FGFR3: variants seen among roughly 807,000 people sequenced by gnomAD.
FGFR3 encodes fibroblast growth factor receptor 3.
FGFR3 carries 25 observed loss-of-function variants against 82.9 expected under a neutral mutation model. That is an observed-to-expected ratio of 0.30 (90% confidence interval 0.22 to 0.42). The LOEUF (loss-of-function observed/expected upper bound fraction) is 0.42, where lower values mean the gene tolerates loss of function less well. FGFR3 is among the 10% of genes least tolerant of loss of function. The pLI is 1.00. For missense variants in FGFR3, 1,026 were observed against 1,161.0 expected, an observed-to-expected ratio of 0.88 and a Z score of 1.69; for synonymous variants, 620 against 516.0, an observed-to-expected ratio of 1.20 and a Z score of -2.73.
rs537582388 is a variant in FGFR3, at chr4:1,807,357, G to A, written c.*95G>A. On this transcript the variant is annotated 3_prime_UTR_variant, in exon 18 of 18. Transcript: ENST00000440486. ...CCCGGCATGAGACTCAGTGCAGATG[G>A]AGAGACAGCTACACAGAGCTTTGGT... 6.9e-5 allele frequency: 103 copies of A among 1,485,986 alleles called. No homozygotes were observed. In the African/African-American group the frequency reaches 8.7e-4, roughly 13 times the overall value. The allele number at this position is 1,485,986 out of a possible 1,614,324, so 92.1% of individuals were successfully genotyped here. A position where few individuals can be genotyped will look rare whatever the true frequency, so the allele number is the denominator to read the frequency against.
chr4:1,805,678 G>T lies in FGFR3; in HGVS notation c.1645+9G>T. The stretch of plus-strand genomic sequence containing the variant: ...CGCCTGCACGCAGGGCGGTAGGTGC[G>T]GTAGCGGCGGTGGTGCCGGCTGGGC... On this transcript the variant is annotated intron_variant, in intron 12 of 17. Transcript: ENST00000440486. 1 of 1,611,956 alleles carries T rather than the reference G, an allele frequency of 6.2e-7. No individual in the cohort carries two copies.
intron 7 of FGFR3, among the ~76,000 whole-genome samples, 156 bp from the exon 8 acceptor site, chr4:1,803,536 G>A (rs998951132): frequency 1.1e-4 from 17 of 152,390 alleles, no homozygotes; most frequent in South Asian, 6.2e-4. Context: ...CAGGCGGAGG[G>A]CCCTCAGCCG....
At position 1,805,924 on chromosome 4, in the gene FGFR3, A is replaced by G. The variant is rs1414871162; in HGVS notation, c.1820A>G (p.Tyr607Cys). The change falls in exon 13 of 18, where the codon TAC (tyrosine) becomes TGC (cysteine). Residue 607 changes from tyrosine (Y) to cysteine (C), a missense_variant. Coordinates refer to ENST00000440486, the MANE Select transcript of FGFR3 (RefSeq NM_000142.5). The stretch of plus-strand genomic sequence containing the variant: ...TACCAGGTGGCCCGGGGCATGGAGT[A>G]CTTGGCCTCCCAGAAGGTGGGCAGG... ...CAYQVARGME[Y>C]LASQKCIHRD... The G allele has an allele frequency of 6.2e-7, 1 of 1,609,802 alleles. No homozygotes were observed. The highest frequency in any genetic ancestry group is 2.2e-5 in the East Asian group (1 of 44,806).
At chr4:1,800,931 T>C (rs531944105) in intron 4 of FGFR3, among the ~76,000 whole-genome samples, 79 of 152,184 alleles carry the variant, frequency 5.2e-4, no homozygotes, top group Non-Finnish European at 1.0e-3. Context: ...CGTGGGCCCA[T>C]GCTGCCCAGC....
intron 2 of FGFR3, among the ~76,000 whole-genome samples, chr4:1,798,041 G>A (rs952066306): frequency 1.3e-5 from 2 of 150,964 alleles, no homozygotes. Context: ...CCGGCCCCAA[G>A]CCCGGGACGC....
intron 2 of FGFR3, among the ~76,000 whole-genome samples, chr4:1,794,955 G>A (rs1323410020): frequency 6.6e-6 from 1 of 151,684 alleles, no homozygotes; most frequent in African/African-American, 2.4e-5. Context: ...GCCACAGACC[G>A]CGCATTGATG....
chr4:1,802,329 C>T (rs1458976723), intron 7 of FGFR3, among the ~76,000 whole-genome samples: 1 of 152,200 alleles, frequency 6.6e-6, no homozygotes, highest in Non-Finnish European at 1.5e-5. Flanking sequence ...TGCCCCAGGA[C>T]AGGAGGGCAG....
rs149863736 is a variant in FGFR3, at chr4:1,807,394, T to C, written c.*132T>C. ...CACAGAGCTTTGGTCTGTGTGTGTGTGTGTGCGTGTGTGTGTGTGTGTGTG... is the reference window on the plus strand; with the variant it reads ...CACAGAGCTTTGGTCTGTGTGTGTGCGTGTGCGTGTGTGTGTGTGTGTGTG... On this transcript the variant is annotated 3_prime_UTR_variant, in exon 18 of 18. Coordinates refer to ENST00000440486, the MANE Select transcript of FGFR3 (RefSeq NM_000142.5). 3.0e-4 allele frequency: 340 copies of C among 1,115,292 alleles called. 1 individual carries two copies. In the African/African-American group the frequency reaches 9.2e-3, roughly 30 times the overall value. The allele number at this position is 1,115,292 out of a possible 1,614,324, so 69.1% of individuals were successfully genotyped here.
intron 7 of FGFR3, 61 bp downstream of exon 7, chr4:1,802,086 C>T (rs1217823113): frequency 3.2e-6 from 5 of 1,545,900 alleles, no homozygotes; most frequent in South Asian, 2.3e-5. Flanking sequence ...CCCAAGGGTG[C>T]CCCTTGGCTG....
At position 1,805,641 on chromosome 4, in the gene FGFR3, C is replaced by T. The variant is rs746228140; in HGVS notation, c.1617C>T (p.Ile539=). 6.8e-6 allele frequency: 11 copies of T among 1,613,270 alleles called. No individual in the cohort carries two copies. Among genetic ancestry groups the T allele is most frequent in the South Asian group, 1.1e-5 (1 of 91,074 alleles). ...TGATCGGGAAACACAAAAACATCATCAACCTGCTGGGCGCCTGCACGCAGG... is the reference window on the plus strand; with the variant it reads ...TGATCGGGAAACACAAAAACATCATTAACCTGCTGGGCGCCTGCACGCAGG... ...MKMIGKHKNI[I]NLLGACTQGG... Residue 539 remains isoleucine (I), a synonymous_variant, in exon 12 of 18, where the codon ATC becomes ATT. Transcript: ENST00000440486.
intron 2 of FGFR3, among the ~76,000 whole-genome samples, chr4:1,797,634 G>A (rs185328337): frequency 2.6e-5 from 4 of 152,356 alleles, no homozygotes; most frequent in African/African-American, 4.8e-5. Flanking sequence ...CTTCTGGGGG[G>A]CCTCGAGCAG....
chr4:1,802,267 A>T (rs145372165), intron 7 of FGFR3, among the ~76,000 whole-genome samples: 1 of 151,970 alleles, frequency 6.6e-6, no homozygotes, highest in Non-Finnish European at 1.5e-5. Context: ...AGTCCCTGAC[A>T]TGGAGCTGCC....
In FGFR3 at chr4:1,799,273, C is replaced by T. The variant is rs761218109; in HGVS notation, c.129C>T (p.Pro43=). 53 of 1,612,610 alleles carry T rather than the reference C, an allele frequency of 3.3e-5. No individual in the cohort carries two copies. The highest frequency in any genetic ancestry group is 4.0e-5 in the Non-Finnish European group (47 of 1,179,964). Residue 43 remains proline (P), a synonymous_variant, in exon 3 of 18, where the codon CCC becomes CCT. Transcript: ENST00000440486. ...GRAAEVPGPE[P]GQQEQLVFGS... ...CCACAGAAGTCCCGGGCCCAGAGCC[C>T]GGCCAGCAGGAGCAGTTGGTCTTCG...
chr4:1,807,385 G>C lies in FGFR3; in HGVS notation c.*123G>C, dbSNP rs917370425. 4 of 756,162 alleles carry C rather than the reference G, an allele frequency of 5.3e-6. No individual in the cohort carries two copies. The highest frequency in any genetic ancestry group is 6.1e-5 in the African/African-American group (2 of 32,536). 46.8% of individuals were successfully genotyped at this position (756,162 alleles called of 1,614,324 possible). A position where few individuals can be genotyped will look rare whatever the true frequency, so the allele number is the denominator to read the frequency against. ...AGACAGCTACACAGAGCTTTGGTCTGTGTGTGTGTGTGTGCGTGTGTGTGT... is the reference window on the plus strand; with the variant it reads ...AGACAGCTACACAGAGCTTTGGTCTCTGTGTGTGTGTGTGCGTGTGTGTGT... On this transcript the variant is annotated 3_prime_UTR_variant, in exon 18 of 18. Coordinates refer to ENST00000440486, the MANE Select transcript of FGFR3 (RefSeq NM_000142.5).
At chr4:1,807,024 G>C (rs1295061499) in intron 17 of FGFR3, 90 bp downstream of exon 17, 21 of 1,551,236 alleles carry the variant, frequency 1.4e-5, no homozygotes, top group Admixed American at 1.9e-5. Flanking sequence ...CTGAGGTGTG[G>C]GGCGGGCCTT....
At chr4:1,797,824 G>T (rs1026061720) in intron 2 of FGFR3, among the ~76,000 whole-genome samples, 8 of 152,304 alleles carry the variant, frequency 5.3e-5, no homozygotes, top group Admixed American at 2.6e-4. Context: ...TGGCTGGCAG[G>T]GTCACCCTGG....
Position 1,805,575 on chromosome 4 carries a change from G to A in FGFR3, c.1551G>A (p.Lys517=), listed in dbSNP as rs142622642. 78 of 1,613,122 alleles carry A rather than the reference G, an allele frequency of 4.8e-5. No homozygotes were observed. Among genetic ancestry groups the A allele is most frequent in the Non-Finnish European group, 6.4e-5 (76 of 1,179,830 alleles). The change falls in exon 12 of 18, where the codon AAG becomes AAA. Residue 517 remains lysine, a synonymous_variant. Transcript: ENST00000440486. ...VKMLKDDATD[K]DLSDLVSEME... ...CGTGCACAGACGATGCCACTGACAA[G>A]GACCTGTCGGACCTGGTGTCTGAGA... is the stretch of plus-strand genomic sequence containing the variant.
rs1721401574 is a variant in FGFR3, at chr4:1,803,092, C to T, written c.931-600C>T. 2.6e-6 allele frequency: 4 copies of T among 1,534,522 alleles called. No individual in the cohort carries two copies. In the South Asian group the frequency reaches 3.7e-5, roughly 14 times the overall value. On this transcript the variant is annotated intron_variant, in intron 7 of 17. Coordinates refer to ENST00000440486, the MANE Select transcript of FGFR3 (RefSeq NM_000142.5). ...AACGACTCTGTCCCATGCCGGCCGG[C>T]ACAAGAGCTCCAGCTCCAAGGCCCT... is the stretch of plus-strand genomic sequence containing the variant.
chr4:1,803,255 G>A lies in FGFR3; in HGVS notation c.931-437G>A, dbSNP rs879270019. ...GCCCGCTTCGAGCCCTGTGGCCTGC[G>A]CCGACCCTTCCCGCACGCCTGCGAC... On this transcript the variant is annotated intron_variant, in intron 7 of 17. Transcript: ENST00000440486. 3.9e-4 allele frequency: 270 copies of A among 694,752 alleles called. 2 individuals carry two copies. Among genetic ancestry groups the A allele is most frequent in the Non-Finnish European group, 4.7e-4 (222 of 467,528 alleles). 43.0% of individuals were successfully genotyped at this position (694,752 alleles called of 1,614,324 possible). A position where few individuals can be genotyped will look rare whatever the true frequency, so the allele number is the denominator to read the frequency against.
Sources: gnomAD v4.1 joint callset for allele counts (sites outside exome capture counted in the v4.1 genomes callset) on GRCh38, gnomAD v4.1.1 for gene constraint, MANE v1.5 for transcripts, NCBI Gene and HGNC (gene_info 2026-07-23, HGNC 2026-07-21) for gene names.